The following NELFB variants were observed in gnomAD, a reference collection of about 807,000 sequenced individuals.
NELFB encodes negative elongation factor complex member B.
NELFB carries 34 observed loss-of-function variants against 60.2 expected under a neutral mutation model. That is an observed-to-expected ratio of 0.56 (90% CI 0.43 to 0.75). The LOEUF (loss-of-function observed/expected upper bound fraction) is 0.75. Ranked by LOEUF, NELFB falls within the 30% of genes least tolerant of loss-of-function variation. NELFB has a pLI of 0.00. For synonymous variants in NELFB, 459 were observed against 382.1 expected, an observed-to-expected ratio of 1.20 and a Z score of -2.35; for missense variants, 770 against 831.6, an observed-to-expected ratio of 0.93 and a Z score of 0.91.
chr9:137,271,018 C>T (rs557042299), intron 10 of NELFB, among the ~76,000 whole-genome samples: 26 of 152,398 alleles, frequency 1.7e-4, no homozygotes, highest in African/African-American at 6.0e-4. Context: ...ACAGTGGCTG[C>T]GCTTCTCCAG....
rs1313724323 is a variant in NELFB, at chr9:137,255,360, C to T, written c.-6C>T. On this transcript the variant is annotated 5_prime_UTR_variant, in exon 1 of 13. Coordinates refer to ENST00000343053, the MANE Select transcript of NELFB (RefSeq NM_015456.5). ...GACGCGCGCGGAGTCGCGCGGCGGG[C>T]GGGACCTGGCCGAGCTGGAGGGCGC... 4.4e-6 allele frequency: 2 copies of T among 458,374 alleles called. No homozygotes were observed. The highest frequency in any genetic ancestry group is 6.8e-6 in the Non-Finnish European group (2 of 292,250). The allele number at this position is 458,374 out of a possible 1,614,324, so 28.4% of individuals were successfully genotyped here.
At position 137,272,923 on chromosome 9, in the gene NELFB, C is replaced by T; in HGVS notation, c.1882C>T (p.Leu628Phe). 6.5e-7 allele frequency: 1 copy of T among 1,529,070 alleles called. No individual in the cohort carries two copies. Among genetic ancestry groups the T allele is most frequent in the Non-Finnish European group, 8.8e-7 (1 of 1,135,286 alleles). 94.7% of individuals were successfully genotyped at this position (1,529,070 alleles called of 1,614,324 possible). A position where few individuals can be genotyped will look rare whatever the true frequency, so the allele number is the denominator to read the frequency against. ...CCCCAGCGTGCCCGCCCCTGCCCCG[C>T]TCTGAGGGCCCTCCAGACCTGCTCG... is the stretch of plus-strand genomic sequence containing the variant. Residue 628 changes from leucine to phenylalanine, a missense_variant, in exon 13 of 13, where the codon CTC becomes TTC. Physicochemically the swap from Leu to Phe is conservative, Grantham distance 22. Coordinates refer to ENST00000343053, the MANE Select transcript of NELFB (RefSeq NM_015456.5).
Position 137,264,323 on chromosome 9 carries a change from G to A in NELFB, c.1006G>A (p.Asp336Asn), listed in dbSNP as rs1399707152. The A allele has an allele frequency of 3.7e-6, 6 of 1,600,722 alleles. No homozygotes were observed. In the Admixed American group the frequency reaches 6.9e-5, roughly 18 times the overall value. Residue 336 changes from aspartate to asparagine, a missense_variant, in exon 6 of 13, where the codon GAT (aspartate) becomes AAT (asparagine). Physicochemically the swap from Asp to Asn is conservative, Grantham distance 23. Transcript: ENST00000343053. ...GGCGCGGGAGCTGCAGGGGTTTCTC[G>A]ATGGCGTCAAGAAGGGCCAGGAGCA...
intron 3 of NELFB, 141 bp from the exon 4 acceptor site, chr9:137,256,683 G>A: frequency 2.5e-6 from 2 of 792,538 alleles, no homozygotes; most frequent in South Asian, 3.6e-5. Flanking sequence ...GACATGCTGG[G>A]GCCGGGGAAC....
In NELFB at chr9:137,272,920, C is replaced by G; in HGVS notation, c.1879C>G (p.Pro627Ala). The G allele has an allele frequency of 6.5e-7, 1 of 1,532,802 alleles. No individual in the cohort carries two copies. The highest frequency in any genetic ancestry group is 1.2e-5 in the South Asian group (1 of 82,174). 95.0% of individuals were successfully genotyped at this position (1,532,802 alleles called of 1,614,324 possible). A position where few individuals can be genotyped will look rare whatever the true frequency, so the allele number is the denominator to read the frequency against. ...CCTCCCCAGCGTGCCCGCCCCTGCCCCGCTCTGAGGGCCCTCCAGACCTGC... is the reference window on the plus strand; with the variant it reads ...CCTCCCCAGCGTGCCCGCCCCTGCCGCGCTCTGAGGGCCCTCCAGACCTGC... The change falls in exon 13 of 13, where the codon CCG becomes GCG. Residue 627 changes from proline (P) to alanine (A), a missense_variant. Pro to Ala is a conservative substitution (Grantham distance 27). Transcript: ENST00000343053.
chr9:137,265,822 C>A, intron 6 of NELFB, 55 bp from the exon 7 acceptor site: 1 of 1,200,416 alleles, frequency 8.3e-7, no homozygotes. Context: ...AGGACTGTGC[C>A]GCTGAAGGGA....
At chr9:137,271,969 G>C (rs1038523213) in intron 10 of NELFB, 112 bp from the exon 11 acceptor site, 32 of 1,383,914 alleles carry the variant, frequency 2.3e-5, no homozygotes, top group Non-Finnish European at 3.0e-5. Flanking sequence ...GAACAACTGA[G>C]AACTCTCATG....
chr9:137,270,280 C>CAA (rs989557010), intron 10 of NELFB, among the ~76,000 whole-genome samples: 723 of 53,162 alleles, frequency 0.014, 9 homozygotes, highest in African/African-American at 0.046. Flanking sequence ...GACTCCGTCT[C>CAA]AAAAAAAAAA....
intron 5 of NELFB, 37 bp downstream of exon 5, chr9:137,263,259 G>C (rs1403071320): frequency 1.3e-6 from 2 of 1,560,418 alleles, no homozygotes; most frequent in Non-Finnish European, 1.7e-6. Flanking sequence ...CTACCCTCCT[G>C]AAGGTAGTGC....
At chr9:137,260,551 C>G (rs1830424647) in intron 4 of NELFB, among the ~76,000 whole-genome samples, 2 of 150,704 alleles carry the variant, frequency 1.3e-5, no homozygotes, top group African/African-American at 2.4e-5. Context: ...CTCCCAGGTT[C>G]AAGTGATTCT....
chr9:137,262,466 A>ATC (rs1178780418), intron 4 of NELFB, among the ~76,000 whole-genome samples: 1 of 152,084 alleles, frequency 6.6e-6, no homozygotes, highest in Non-Finnish European at 1.5e-5. Context: ...CTCAGCTCCT[A>ATC]TCTCTGTATG....
At position 137,263,129 on chromosome 9, in the gene NELFB, G is replaced by A. The variant is rs757455863; in HGVS notation, c.834G>A (p.Arg278=). ...TGCGCACGCTCTTCCTGCGCACGCGGAATGTGCACTACTGCACGCTGCGGG... is the reference window on the plus strand; with the variant it reads ...TGCGCACGCTCTTCCTGCGCACGCGAAATGTGCACTACTGCACGCTGCGGG... The change falls in exon 5 of 13, where the codon CGG becomes CGA. Residue 278 remains arginine (R), a synonymous_variant. Coordinates refer to ENST00000343053, the MANE Select transcript of NELFB (RefSeq NM_015456.5). 6.2e-7 allele frequency: 1 copy of A among 1,613,968 alleles called. No individual in the cohort carries two copies. The highest frequency in any genetic ancestry group is 8.5e-7 in the Non-Finnish European group (1 of 1,180,016).
In NELFB at chr9:137,263,032, T is replaced by C; in HGVS notation, c.742-5T>C. ...CTGGGGGCCTGACAGTGCCTCTTGC[T>C]GCAGGTGGTGCAGCGGCTGACGCGG... On this transcript the variant is annotated splice_polypyrimidine_tract_variant and splice_region_variant and intron_variant, in intron 4 of 12. Transcript: ENST00000343053. 1 of 1,609,336 alleles carries C rather than the reference T, an allele frequency of 6.2e-7. No individual in the cohort carries two copies. The highest frequency in any genetic ancestry group is 8.5e-7 in the Non-Finnish European group (1 of 1,176,092).
In NELFB at chr9:137,255,627, G is replaced by A. The variant is rs1228005459; in HGVS notation, c.246+16G>A. 7 of 1,541,438 alleles carry A rather than the reference G, an allele frequency of 4.5e-6. No individual in the cohort carries two copies. Among genetic ancestry groups the A allele is most frequent in the Non-Finnish European group, 6.1e-6 (7 of 1,143,792 alleles). On this transcript the variant is annotated intron_variant, in intron 1 of 12. Coordinates refer to ENST00000343053, the MANE Select transcript of NELFB (RefSeq NM_015456.5). ...GCAGTTCCAGGTGGGGCGGCCCCCG[G>A]GGCGGGGGGAGCCCAGTTGGAGGGC...
In NELFB at chr9:137,255,587, G is replaced by A. The variant is rs201291926; in HGVS notation, c.222G>A (p.Pro74=). ...AGACCCTGACCAACTGCACGGAGCC[G>A]CTCAAGGCCATCGAGCAGTTCCAGG... The change falls in exon 1 of 13, where the codon CCG becomes CCA. Residue 74 remains proline, a synonymous_variant. Coordinates refer to ENST00000343053, the MANE Select transcript of NELFB (RefSeq NM_015456.5). The A allele has an allele frequency of 3.9e-6, 6 of 1,549,328 alleles. No homozygotes were observed. In the African/African-American group the frequency reaches 6.9e-5, roughly 18 times the overall value.
intron 10 of NELFB, among the ~76,000 whole-genome samples, chr9:137,270,917 CA>C (rs1275393945): frequency 6.6e-6 from 1 of 152,028 alleles, no homozygotes; most frequent in Non-Finnish European, 1.5e-5. Flanking sequence ...AGACTCTTCT[CA>C]AAAAAAATAA....
Position 137,273,299 on chromosome 9 carries a change from C to T in NELFB, c.*371C>T, listed in dbSNP as rs1343810791. 9.7e-6 allele frequency: 2 copies of T among 206,320 alleles called. No homozygotes were observed. Among genetic ancestry groups the T allele is most frequent in the Admixed American group, 1.1e-4 (2 of 18,654 alleles). 12.8% of individuals were successfully genotyped at this position (206,320 alleles called of 1,614,324 possible). On this transcript the variant is annotated 3_prime_UTR_variant, in exon 13 of 13. Coordinates refer to ENST00000343053, the MANE Select transcript of NELFB (RefSeq NM_015456.5). ...TGGCGAAAGCGAGGCACACTGCTTA[C>T]TGCCTTGGGGTTGTGGAGATGGACC...
At chr9:137,263,334 A>G in intron 5 of NELFB, 112 bp downstream of exon 5, 1 of 895,720 alleles carries the variant, frequency 1.1e-6, no homozygotes, top group Non-Finnish European at 1.6e-6. Flanking sequence ...GCCCTCCTGA[A>G]GGTAGCGCTG....
At chr9:137,271,944 G>C in intron 10 of NELFB, 137 bp from the exon 11 acceptor site, 1 of 1,124,204 alleles carries the variant, frequency 8.9e-7, no homozygotes, top group African/African-American at 1.6e-5. Context: ...CTGAGACCCT[G>C]TGCTTCTCAT....
Sources: allele counts gnomAD v4.1 joint callset (sites outside exome capture counted in the v4.1 genomes callset), GRCh38; gene constraint gnomAD v4.1.1; transcripts MANE v1.5; gene names NCBI Gene and HGNC (gene_info 2026-07-23, HGNC 2026-07-21).